The following TRPM2 variants were observed in gnomAD, a reference collection of about 807,000 sequenced individuals.
TRPM2 encodes estrogen-responsive element-associated gene 1 protein.
In TRPM2, 161 loss-of-function variants were observed where a neutral mutation model predicts 174.0. That is an observed-to-expected ratio of 0.93 (90% CI 0.81 to 1.05). The LOEUF is 1.05. Ranked by LOEUF, TRPM2 falls within the 50% of genes least tolerant of loss-of-function variation. The pLI is 0.00. For synonymous variants in TRPM2, 954 were observed against 861.3 expected (o/e 1.11, Z -1.88); for missense variants, 2,057 against 2,038.0 (o/e 1.01, Z -0.18).
At chr21:44,389,248 T>C (rs1000972947) in intron 9 of TRPM2, among the ~76,000 whole-genome samples, 1 of 152,250 alleles carries the variant, frequency 6.6e-6, no homozygotes. Flanking sequence ...TGTTGTTGCA[T>C]GTGTCAGAAC....
At chr21:44,423,776 G>T in intron 23 of TRPM2, 44 bp downstream of exon 23, 1 of 1,500,460 alleles carries the variant, frequency 6.7e-7, no homozygotes. Context: ...GCCACTGCTG[G>T]GCCTGGTGGG....
intron 7 of TRPM2, 100 bp from the exon 8 acceptor site, chr21:44,378,897 C>G: frequency 1.5e-6 from 2 of 1,306,992 alleles, no homozygotes; most frequent in Non-Finnish European, 2.1e-6. Context: ...GTAGTGTTAG[C>G]CAGCTCTGCC....
rs1352190335 is a variant in TRPM2, at chr21:44,367,781, A to G, written c.604+847A>G. 2.0e-5 allele frequency among the ~76,000 whole-genome samples: 3 copies of G among 152,194 alleles called. No individual in the cohort carries two copies. The highest frequency in any genetic ancestry group is 7.2e-5 in the African/African-American group (3 of 41,454). On this transcript the variant is annotated intron_variant, in intron 4 of 31. Coordinates refer to ENST00000397928, the MANE Select transcript of TRPM2 (RefSeq NM_003307.4). This position sits in a 1 kb window ranked among gnomAD's most constrained non-coding sequence, Gnocchi z 4.6. The stretch of plus-strand genomic sequence containing the variant: ...GCCTGACTTGGCCTGCATGGCTCAC[A>G]GAGTCCTCAGTTTCATTGTCTGCCT...
intron 7 of TRPM2, 79 bp downstream of exon 7, chr21:44,377,852 C>A (rs987042066): frequency 1.3e-6 from 2 of 1,518,384 alleles, no homozygotes; most frequent in African/African-American, 1.4e-5. Flanking sequence ...GTGCTTGTCT[C>A]AGAACTCAAG....
rs984964031 is a variant in TRPM2 at position 44,441,979 on chromosome 21, G to A, written c.*162G>A. ...TCACGGCTGCCGCAAGTCTGCTGCA[G>A]ATGACCTCATGAACTGGAAGGGGTC... On this transcript the variant is annotated 3_prime_UTR_variant, in exon 32 of 32. Transcript: ENST00000397928. 5.5e-6 allele frequency: 6 copies of A among 1,092,242 alleles called. No homozygotes were observed. The East Asian group carries it at 1.8e-4, about 32-fold the overall frequency. 67.7% of individuals were successfully genotyped at this position (1,092,242 alleles called of 1,614,324 possible).
At chr21:44,407,281 A>C (rs187168161) in intron 19 of TRPM2, among the ~76,000 whole-genome samples, 1 of 146,356 alleles carries the variant, frequency 6.8e-6, no homozygotes, top group East Asian at 2.1e-4. Flanking sequence ...GCACGCCAAC[A>C]CACCCGGCTA....
Position 44,401,834 on chromosome 21 carries a change from C to G in TRPM2, c.2475C>G (p.Pro825=). Residue 825 remains proline (P), a synonymous_variant, in exon 16 of 32, where the codon CCC becomes CCG. Transcript: ENST00000397928. ...TCATGGTGGACTTCCAGCCTGTGCC[C>G]TCCTGGTGCGAGTGTGCCATCTACC... is the stretch of plus-strand genomic sequence containing the variant. ...YVLMVDFQPV[P]SWCECAIYLW... is the part of the protein sequence containing the mutation. 1 of 1,613,938 alleles carries G rather than the reference C, an allele frequency of 6.2e-7. No individual in the cohort carries two copies. The highest frequency in any genetic ancestry group is 1.1e-5 in the South Asian group (1 of 91,084).
At position 44,439,236 on chromosome 21, in the gene TRPM2, T is replaced by TA. The variant is rs958411064; in HGVS notation, c.4269+69dup. On this transcript the variant is annotated intron_variant, in intron 30 of 31. Transcript: ENST00000397928. The surrounding 1 kb of genome is among the most constrained non-coding windows in gnomAD (Gnocchi z 5.1). ...GGGCTGCAGGACAAACACAGTGTGATACTGGGGACCTGCCCCAGCACCACT... is the reference window on the plus strand; with the variant it reads ...GGGCTGCAGGACAAACACAGTGTGATAACTGGGGACCTGCCCCAGCACCACT... 4 of 1,444,086 alleles carry TA rather than the reference T, an allele frequency of 2.8e-6. No homozygotes were observed. The highest frequency in any genetic ancestry group is 3.9e-6 in the Non-Finnish European group (4 of 1,033,640). 89.5% of individuals were successfully genotyped at this position (1,444,086 alleles called of 1,614,324 possible).
At chr21:44,425,967 C>G (rs983984333) in intron 25 of TRPM2, 140 bp downstream of exon 25, 21 of 1,203,448 alleles carry the variant, frequency 1.7e-5, no homozygotes, top group Non-Finnish European at 2.2e-5. Context: ...CTGGCAGCCC[C>G]TGTTTGACAT....
chr21:44,377,215 C>T (rs1419680963), intron 6 of TRPM2, among the ~76,000 whole-genome samples: 1 of 152,204 alleles, frequency 6.6e-6, no homozygotes, highest in African/African-American at 2.4e-5. Flanking sequence ...CCTTCTCAGG[C>T]TCCACTGCTG....
intron 19 of TRPM2, among the ~76,000 whole-genome samples, chr21:44,407,888 A>G (rs2049959533): frequency 2.0e-5 from 3 of 151,234 alleles, no homozygotes; most frequent in Admixed American, 1.3e-4. Flanking sequence ...AAAAATTAAT[A>G]TTTAATTTTT....
intron 5 of TRPM2, 137 bp from the exon 6 acceptor site, chr21:44,375,696 C>T (rs1008054693): frequency 9.4e-6 from 9 of 957,538 alleles, no homozygotes; most frequent in South Asian, 1.8e-5. Context: ...TGTGCAAAGT[C>T]GCTTTCTCCA....
At chr21:44,435,007 C>G in intron 27 of TRPM2, 124 bp from the exon 28 acceptor site, 1 of 894,942 alleles carries the variant, frequency 1.1e-6, no homozygotes. Context: ...TCTAAAGAAG[C>G]CTGCATGCTG....
At chr21:44,408,877 C>T (rs1184766424) in intron 19 of TRPM2, among the ~76,000 whole-genome samples, 5 of 151,830 alleles carry the variant, frequency 3.3e-5, no homozygotes, top group East Asian at 1.9e-4. Context: ...AGGCTGGTCT[C>T]GATCTCCTGA....
rs149925989 is a variant in TRPM2 at position 44,438,301 on chromosome 21, CCT to C, written c.4168-762_4168-761del. Among the ~76,000 whole-genome samples, 1,106 of 152,356 alleles carry C rather than the reference CCT, an allele frequency of 7.3e-3. 18 individuals carry two copies. The highest frequency in any genetic ancestry group is 0.025 in the African/African-American group (1,052 of 41,578). The stretch of plus-strand genomic sequence containing the variant: ...CACCCTCCGCTCTCTGGCACTTTGG[CCT>C]CTCCATGCGGGGTGCGTGGAGTTGG... On this transcript the variant is annotated intron_variant, in intron 29 of 31. Transcript: ENST00000397928. This position sits in a 1 kb window ranked among gnomAD's most constrained non-coding sequence, Gnocchi z 5.9.
At chr21:44,382,312 T>C (rs995203291) in intron 8 of TRPM2, among the ~76,000 whole-genome samples, 3 of 152,106 alleles carry the variant, frequency 2.0e-5, no homozygotes, top group African/African-American at 4.8e-5. Context: ...GATAGATGGA[T>C]AGATGCATAG....
chr21:44,409,581 C>T (rs8128098), intron 19 of TRPM2, among the ~76,000 whole-genome samples: 53,026 of 88,582 alleles, frequency 0.6, 15,878 homozygotes, highest in East Asian at 0.72. Context: ...TAAGTTTTGA[C>T]CGCACTGTCT....
Position 44,400,270 on chromosome 21 carries a change from C to T in TRPM2, c.2220C>T (p.Thr740=). 1 of 1,612,436 alleles carries T rather than the reference C, an allele frequency of 6.2e-7. No individual in the cohort carries two copies. The highest frequency in any genetic ancestry group is 8.5e-7 in the Non-Finnish European group (1 of 1,179,600). The change falls in exon 15 of 32, where the codon ACC becomes ACT. Residue 740 remains threonine, a synonymous_variant. Coordinates refer to ENST00000397928, the MANE Select transcript of TRPM2 (RefSeq NM_003307.4). The part of the protein sequence containing the change: ...VSHGGIQAFL[T]KVWWGQLSVD... ...GCCCCCATCCGCAGGCCTTCCTGAC[C>T]AAGGTGTGGTGGGGCCAGCTCTCCG...
Position 44,414,066 on chromosome 21 carries a change from C to T in TRPM2, c.3138C>T (p.Ala1046=). The change falls in exon 20 of 32, where the codon GCC becomes GCT. Residue 1046 remains alanine, a synonymous_variant. Coordinates refer to ENST00000397928, the MANE Select transcript of TRPM2 (RefSeq NM_003307.4). ...TNILLLNLLI[A]MFNYTFQQVQ... ...TCCTGCTGCTCAACCTCCTCATCGC[C>T]ATGTTCAAGTGAGCGCCTGGGTGGG... The T allele has an allele frequency of 6.2e-7, 1 of 1,610,742 alleles. No homozygotes were observed. Among genetic ancestry groups the T allele is most frequent in the Middle Eastern group, 1.7e-4 (1 of 6,050 alleles).
Sources: allele counts gnomAD v4.1 joint callset (sites outside exome capture counted in the v4.1 genomes callset), GRCh38; gene constraint gnomAD v4.1.1; non-coding constraint Gnocchi (gnomAD v3.1); transcripts MANE v1.5; gene names NCBI Gene and HGNC (gene_info 2026-07-23, HGNC 2026-07-21).